KCNK9: variants seen among roughly 807,000 people sequenced by gnomAD.
The protein encoded by KCNK9 is potassium two pore domain channel subfamily K member 9, also known as potassium channel subfamily K member 9.
KCNK9 carries 1 observed loss-of-function variant against 10.8 expected under a neutral mutation model. That is an observed-to-expected ratio of 0.09 (90% CI 0.03 to 0.44). The LOEUF (loss-of-function observed/expected upper bound fraction) is 0.44, where lower values mean the gene tolerates loss of function less well. Among genes scored for constraint, KCNK9 ranks in the 20% least tolerant of loss-of-function variants. The probability of loss-of-function intolerance (pLI) is 0.97; values close to 1 mark genes in which losing one functional copy is unlikely to be tolerated. For synonymous variants in KCNK9, 231 were observed against 222.7 expected (o/e 1.04, Z -0.33); for missense variants, 303 against 515.0 (o/e 0.59, Z 3.98).
chr8:139,619,420 G>T (rs1301653385), intron 1 of KCNK9, among the ~76,000 whole-genome samples: 1 of 152,066 alleles, frequency 6.6e-6, no homozygotes, highest in Admixed American at 6.6e-5. Flanking sequence ...ACTGAGAGGG[G>T]ATGGAGGAAC....
intron 1 of KCNK9, among the ~76,000 whole-genome samples, chr8:139,688,339 A>T (rs1816865116): frequency 6.6e-6 from 1 of 152,220 alleles, no homozygotes; most frequent in Admixed American, 6.5e-5. Flanking sequence ...ATTTACTCAC[A>T]GTTCCCACAT....
rs185576485 is a variant in KCNK9, at chr8:139,691,199, C to A, written c.283+11511G>T. ...CTGAAATGGGTCTACAGGCTCCCTT[C>A]CCCTCCCCCTCCTCATTTCATGCGT... On this transcript the variant is annotated intron_variant, in intron 1 of 1. Coordinates refer to ENST00000520439, the MANE Select transcript of KCNK9 (RefSeq NM_001282534.2). Among the ~76,000 whole-genome samples, 5 of 152,246 alleles carry A rather than the reference C, an allele frequency of 3.3e-5. No homozygotes were observed. The East Asian group carries it at 9.7e-4, about 29-fold the overall frequency.
downstream of KCNK9, among the ~76,000 whole-genome samples, chr8:139,613,307 A>G (rs1277525488): frequency 6.6e-6 from 1 of 152,198 alleles, no homozygotes; most frequent in Non-Finnish European, 1.5e-5. Flanking sequence ...GATCTTCAAC[A>G]TAGAAGGTCA....
At position 139,703,092 on chromosome 8, in the gene KCNK9, G is replaced by T. The variant is rs1225833071; in HGVS notation, c.-100C>A. The T allele has an allele frequency of 2.7e-4, 233 of 872,432 alleles. No individual in the cohort carries two copies. Among genetic ancestry groups the T allele is most frequent in the Middle Eastern group, 8.4e-4 (2 of 2,376 alleles). 54.0% of individuals were successfully genotyped at this position (872,432 alleles called of 1,614,324 possible). A position where few individuals can be genotyped will look rare whatever the true frequency, so the allele number is the denominator to read the frequency against. On this transcript the variant is annotated 5_prime_UTR_variant, in exon 1 of 2. Coordinates refer to ENST00000520439, the MANE Select transcript of KCNK9 (RefSeq NM_001282534.2). The surrounding 1 kb of genome is among the most constrained non-coding windows in gnomAD (Gnocchi z 6.4). ...GGCGGCCGCCGCCGCCTCCTCCTCC[G>T]CCGCCGCCGCCGCCGCCTCCAAGTT... is the stretch of plus-strand genomic sequence containing the variant.
At chr8:139,700,778 A>G (rs962717781) in intron 1 of KCNK9, among the ~76,000 whole-genome samples, 1 of 152,194 alleles carries the variant, frequency 6.6e-6, no homozygotes, top group African/African-American at 2.4e-5. Context: ...AGAGCTACCA[A>G]TCAGAATCAA....
At chr8:139,700,799 ACACCT>A (rs1309238909) in intron 1 of KCNK9, among the ~76,000 whole-genome samples, 5 of 152,306 alleles carry the variant, frequency 3.3e-5, no homozygotes, top group African/African-American at 1.2e-4. Flanking sequence ...CCATGGAAAC[ACACCT>A]CAGTAAGAAC....
intron 1 of KCNK9, among the ~76,000 whole-genome samples, chr8:139,664,743 T>G (rs1390682756): frequency 6.6e-6 from 1 of 152,168 alleles, no homozygotes; most frequent in Non-Finnish European, 1.5e-5. Context: ...GTCATGGCCC[T>G]CCAGGGTCTT....
At chr8:139,619,165 G>A (rs970210035) in intron 1 of KCNK9, 66 bp from the exon 2 acceptor site, 1 of 1,585,152 alleles carries the variant, frequency 6.3e-7, no homozygotes, top group East Asian at 2.2e-5. Flanking sequence ...TGGGGGAAGG[G>A]AGGGTCGACT....
Position 139,618,121 on chromosome 8 carries a change from CCAAGAAAG to C in KCNK9, c.*129_*136del. ...GGTGGGGGAAAATGAGACCAAGAGA[CCAAGAAAG>C]GAGGAAGGAGAGAAAGTAATAATGA... On this transcript the variant is annotated 3_prime_UTR_variant, in exon 2 of 2. Coordinates refer to ENST00000520439, the MANE Select transcript of KCNK9 (RefSeq NM_001282534.2). The surrounding 1 kb of genome is among the most constrained non-coding windows in gnomAD (Gnocchi z 7.9). 1 of 1,261,902 alleles carries C rather than the reference CCAAGAAAG, an allele frequency of 7.9e-7. No homozygotes were observed. Among genetic ancestry groups the C allele is most frequent in the Non-Finnish European group, 1.1e-6 (1 of 907,254 alleles). The allele number at this position is 1,261,902 out of a possible 1,614,324, so 78.2% of individuals were successfully genotyped here.
At chr8:139,689,685 C>A (rs556212640) in intron 1 of KCNK9, among the ~76,000 whole-genome samples, 77 of 150,694 alleles carry the variant, frequency 5.1e-4, no homozygotes, top group African/African-American at 1.8e-3. Context: ...CTCTGCTGCC[C>A]AAGCTGGAGC....
At chr8:139,674,776 C>A (rs1816511781) in intron 1 of KCNK9, among the ~76,000 whole-genome samples, 1 of 152,174 alleles carries the variant, frequency 6.6e-6, no homozygotes, top group Non-Finnish European at 1.5e-5. Flanking sequence ...GACCCTGGGG[C>A]CTAGCAGCAA....
intron 1 of KCNK9, among the ~76,000 whole-genome samples, chr8:139,627,988 T>C (rs926802973): frequency 1.3e-5 from 2 of 152,250 alleles, no homozygotes; most frequent in Non-Finnish European, 2.9e-5. Flanking sequence ...ATATGGATTT[T>C]TAAAATGTGG....
At chr8:139,697,482 G>C (rs994935772) in intron 1 of KCNK9, among the ~76,000 whole-genome samples, 5 of 151,800 alleles carry the variant, frequency 3.3e-5, no homozygotes, top group African/African-American at 1.2e-4. Context: ...TGGATAGCTG[G>C]GTGGGTGGGT....
chr8:139,681,462 G>T (rs964140932), intron 1 of KCNK9, among the ~76,000 whole-genome samples: 11 of 152,250 alleles, frequency 7.2e-5, no homozygotes, highest in Non-Finnish European at 1.3e-4. Context: ...AGCTCCAGGG[G>T]AAGGAGTGAG....
intron 2 of KCNK9, among the ~76,000 whole-genome samples, chr8:139,603,677 G>A (rs2072565): frequency 0.048 from 7,239 of 152,248 alleles, 662 homozygotes; most frequent in East Asian, 0.39. Flanking sequence ...CGAGGCATCA[G>A]AGCAGGTCTT....
intron 1 of KCNK9, among the ~76,000 whole-genome samples, chr8:139,682,114 G>A (rs1433566838): frequency 6.6e-6 from 1 of 152,212 alleles, no homozygotes; most frequent in Non-Finnish European, 1.5e-5. Context: ...CTCCGAATGG[G>A]ACCACCCACC....
At chr8:139,655,271 C>T (rs528490613) in intron 1 of KCNK9, among the ~76,000 whole-genome samples, 15 of 152,314 alleles carry the variant, frequency 9.8e-5, no homozygotes, top group East Asian at 3.9e-4. Context: ...CTCACCCAGA[C>T]CTCACTCGGT....
At chr8:139,673,301 GAA>G (rs936937219) in intron 1 of KCNK9, among the ~76,000 whole-genome samples, 6 of 152,208 alleles carry the variant, frequency 3.9e-5, no homozygotes, top group Admixed American at 2.0e-4. Context: ...GCATATCTGT[GAA>G]AATGCTCAAT....
intron 1 of KCNK9, among the ~76,000 whole-genome samples, chr8:139,680,544 C>T (rs1243508437): frequency 6.6e-6 from 1 of 152,170 alleles, no homozygotes; most frequent in African/African-American, 2.4e-5. Context: ...AGGAGGCTGA[C>T]GTGGCCTTCT....
Sources: gnomAD v4.1 joint callset for allele counts (sites outside exome capture counted in the v4.1 genomes callset) on GRCh38, gnomAD v4.1.1 for gene constraint, Gnocchi (gnomAD v3.1) non-coding constraint, MANE v1.5 for transcripts, NCBI Gene and HGNC (gene_info 2026-07-23, HGNC 2026-07-21) for gene names.